SLC12A8: variants seen among roughly 807,000 people sequenced by gnomAD.
The protein encoded by SLC12A8 is solute carrier family 12 member 8, also known as cation-chloride cotransporter 9.
In SLC12A8, 69 loss-of-function variants were observed where a neutral mutation model predicts 75.6. The observed-to-expected ratio is 0.91, with a 90% confidence interval of 0.75 to 1.11. The LOEUF (loss-of-function observed/expected upper bound fraction) is 1.11, where lower values mean the gene tolerates loss of function less well. SLC12A8 is among the 50% of genes most tolerant of loss of function. The probability of loss-of-function intolerance (pLI) is 0.00; values close to 1 mark genes in which losing one functional copy is unlikely to be tolerated. For synonymous variants in SLC12A8, 365 were observed against 372.8 expected (o/e 0.98, Z 0.24); for missense variants, 877 against 896.7 (o/e 0.98, Z 0.28).
At chr3:125,127,570 T>G (rs1164668156) in intron 6 of SLC12A8, among the ~76,000 whole-genome samples, 1 of 152,216 alleles carries the variant, frequency 6.6e-6, no homozygotes, top group Non-Finnish European at 1.5e-5. Context: ...TACAAAATTA[T>G]GAATATAAAA....
intron 5 of SLC12A8, among the ~76,000 whole-genome samples, chr3:125,141,981 G>A (rs1008020130): frequency 1.3e-5 from 2 of 152,176 alleles, no homozygotes; most frequent in African/African-American, 4.8e-5. Context: ...CGGGGGAAGT[G>A]GTAGGCCCCG....
intron 6 of SLC12A8, among the ~76,000 whole-genome samples, chr3:125,122,330 CT>C (rs1177366386): frequency 2.6e-5 from 4 of 152,086 alleles, no homozygotes; most frequent in Admixed American, 2.6e-4. Context: ...AACGTGAAAA[CT>C]TTTAAGGTTT....
chr3:125,185,369 A>G (rs9681509), intron 4 of SLC12A8, among the ~76,000 whole-genome samples: 2 of 151,876 alleles, frequency 1.3e-5, no homozygotes, highest in Non-Finnish European at 2.9e-5. Flanking sequence ...TAAAAAAAAA[A>G]AAAGAAATGG....
At chr3:125,085,438 ATTC>A (rs1390977493) in intron 13 of SLC12A8, among the ~76,000 whole-genome samples, 1 of 152,170 alleles carries the variant, frequency 6.6e-6, no homozygotes, top group Non-Finnish European at 1.5e-5. Flanking sequence ...ACCTAGCCAA[ATTC>A]TTCTGCCAAA....
At chr3:125,109,267 G>A (rs1038448963) in intron 9 of SLC12A8, among the ~76,000 whole-genome samples, 7 of 152,064 alleles carry the variant, frequency 4.6e-5, no homozygotes, top group South Asian at 2.1e-4. Context: ...CTAGGCTCAC[G>A]GCTTTGAATA....
In SLC12A8 at chr3:125,187,317, C is replaced by T. The variant is rs376320288; in HGVS notation, c.310G>A (p.Gly104Ser). Residue 104 changes from glycine (G) to serine (S), a missense_variant, in exon 4 of 14, where the codon GGT becomes AGT. By Grantham distance (56) the Gly-to-Ser change is moderately conservative. Coordinates refer to ENST00000469902, the MANE Select transcript of SLC12A8 (RefSeq NM_024628.6). ...GVGERSSIGSGGVYSMISSVL... is the reference protein window; with the variant it reads ...GVGERSSIGSSGVYSMISSVL... ...GAGGAGATCATGGAGTAGACGCCAC[C>T]GCTGCCGATGCTGCTGCGCTCCCCG... 274 of 1,614,066 alleles carry T rather than the reference C, an allele frequency of 1.7e-4. No homozygotes were observed. Among genetic ancestry groups the T allele is most frequent in the Non-Finnish European group, 2.2e-4 (255 of 1,180,032 alleles).
chr3:125,187,376 A>G lies in SLC12A8; in HGVS notation c.251T>C (p.Val84Ala), dbSNP rs1166656984. 5.6e-6 allele frequency: 9 copies of G among 1,614,168 alleles called. No homozygotes were observed. Among genetic ancestry groups the G allele is most frequent in the Non-Finnish European group, 7.6e-6 (9 of 1,180,024 alleles). Residue 84 changes from valine to alanine, a missense_variant, in exon 4 of 14, where the codon GTG becomes GCG. Val to Ala is a moderately conservative substitution (Grantham distance 64). Transcript: ENST00000469902. Reference protein sequence around the residue: ...GMFLVSFVILVALVTVLSGIG... With the variant: ...GMFLVSFVILAALVTVLSGIG... ...GCCAGACAGCACCGTGACGAGGGCC[A>G]CCAGGATGACGAAGGACACCAGGAA...
chr3:125,132,428 C>T (rs1028436523), intron 6 of SLC12A8, among the ~76,000 whole-genome samples: 26 of 152,090 alleles, frequency 1.7e-4, no homozygotes, highest in African/African-American at 5.6e-4. Flanking sequence ...AAGCTGGGAC[C>T]AGAGTGGTCA....
intron 8 of SLC12A8, among the ~76,000 whole-genome samples, chr3:125,113,984 G>A (rs773692309): frequency 2.8e-4 from 42 of 152,096 alleles, no homozygotes; most frequent in Non-Finnish European, 2.6e-4. Context: ...TGACATAACT[G>A]GGGAGTGCAC....
chr3:125,090,733 AC>A (rs1218728857), intron 12 of SLC12A8, among the ~76,000 whole-genome samples: 1 of 152,146 alleles, frequency 6.6e-6, no homozygotes, highest in East Asian at 1.9e-4. Context: ...TAATATAGCT[AC>A]CCTGCTTTGT....
At chr3:125,185,500 C>T (rs1213507154) in intron 4 of SLC12A8, among the ~76,000 whole-genome samples, 1 of 151,634 alleles carries the variant, frequency 6.6e-6, no homozygotes, top group Admixed American at 6.6e-5. Flanking sequence ...TCAAAAAAAA[C>T]CCAGGACCAG....
intron 5 of SLC12A8, among the ~76,000 whole-genome samples, chr3:125,149,811 G>A (rs573400556): frequency 6.6e-6 from 1 of 152,232 alleles, no homozygotes; most frequent in African/African-American, 2.4e-5. Context: ...AAGCATAAAG[G>A]AAGAAAGGAT....
rs796125895 is a variant in SLC12A8, at chr3:125,133,363, GCACACA to G, written c.736+2300_736+2305del. Among the ~76,000 whole-genome samples, 154 of 125,310 alleles carry G rather than the reference GCACACA, an allele frequency of 1.2e-3. 2 individuals are homozygous for G. The highest frequency in any genetic ancestry group is 4.0e-3 in the African/African-American group (143 of 35,588). The allele number at this position is 125,310 out of a possible 152,430, so 82.2% of individuals were successfully genotyped here. ...CAGGAATACACACACACACACACAC[GCACACA>G]CACACACACAATTTTTTTTTTGATA... On this transcript the variant is annotated intron_variant, in intron 6 of 13. Transcript: ENST00000469902.
At chr3:125,151,824 A>C (rs1933932570) in intron 5 of SLC12A8, among the ~76,000 whole-genome samples, 1 of 152,210 alleles carries the variant, frequency 6.6e-6, no homozygotes, top group African/African-American at 2.4e-5. Flanking sequence ...CAACATGAGG[A>C]CTTAATGTAA....
intron 7 of SLC12A8, 40 bp downstream of exon 7, chr3:125,120,559 C>T: frequency 6.8e-7 from 1 of 1,477,352 alleles, no homozygotes; most frequent in Middle Eastern, 1.7e-4. Context: ...TTTTCTCTCC[C>T]ACTCTCTAGC....
chr3:125,114,664 T>C (rs1939264005), intron 8 of SLC12A8, among the ~76,000 whole-genome samples: 1 of 152,138 alleles, frequency 6.6e-6, no homozygotes, highest in Non-Finnish European at 1.5e-5. Context: ...TGACCTCAAG[T>C]GATCTGCCCG....
chr3:125,141,171 GGGT>G (rs1248605960), intron 5 of SLC12A8, among the ~76,000 whole-genome samples: 30 of 148,070 alleles, frequency 2.0e-4, no homozygotes, highest in African/African-American at 7.2e-4. Flanking sequence ...AAGGGGGGTG[GGGT>G]GGGGTGCGGG....
Position 125,107,734 on chromosome 3 carries a change from C to A in SLC12A8, c.1452G>T (p.Arg484Ser). 1 of 1,614,128 alleles carries A rather than the reference C, an allele frequency of 6.2e-7. No individual in the cohort carries two copies. The highest frequency in any genetic ancestry group is 8.5e-7 in the Non-Finnish European group (1 of 1,180,028). ...SSQPRQGEGNRTPESQKRKSK... is the reference protein window; with the variant it reads ...SSQPRQGEGNSTPESQKRKSK... ...TTTTCCTCTTCTGACTTTCTGGGGT[C>A]CTGTTACCCTCTCCTTGCCTGGGCT... is the stretch of plus-strand genomic sequence containing the variant. Residue 484 changes from arginine (R) to serine (S), a missense_variant, in exon 10 of 14, where the codon AGG becomes AGT. Coordinates refer to ENST00000469902, the MANE Select transcript of SLC12A8 (RefSeq NM_024628.6).
At chr3:125,098,492 C>T (rs1051076946) in intron 10 of SLC12A8, among the ~76,000 whole-genome samples, 4 of 151,424 alleles carry the variant, frequency 2.6e-5, no homozygotes, top group African/African-American at 9.7e-5. Context: ...GATCATTCTC[C>T]ACAAACAATG....
Sources: allele counts gnomAD v4.1 joint callset (sites outside exome capture counted in the v4.1 genomes callset), GRCh38; gene constraint gnomAD v4.1.1; transcripts MANE v1.5; gene names NCBI Gene and HGNC (gene_info 2026-07-23, HGNC 2026-07-21).